ABCB5: variants seen among roughly 807,000 people sequenced by gnomAD.
The protein encoded by ABCB5 is ATP-binding cassette sub-family B member 5.
In ABCB5, 155 loss-of-function variants were observed where a neutral mutation model predicts 144.2. The ratio of observed to expected loss-of-function variants is 1.08; its 90% confidence interval spans 0.94 to 1.23. The LOEUF (loss-of-function observed/expected upper bound fraction) is 1.23. Ranked by LOEUF, ABCB5 falls within the 50% of genes most tolerant of loss-of-function variation. The probability of loss-of-function intolerance (pLI) is 0.00; values close to 1 mark genes in which losing one functional copy is unlikely to be tolerated. For synonymous variants in ABCB5, 610 were observed against 528.6 expected, an observed-to-expected ratio of 1.15 and a Z score of -2.11; for missense variants, 1,830 against 1,520.8, an observed-to-expected ratio of 1.20 and a Z score of -3.38.
rs535700196 is a variant in ABCB5, at chr7:20,728,229, G to A, written c.2727-86G>A. The stretch of plus-strand genomic sequence containing the variant: ...TTCCACCAAATTATAACATTTCAAA[G>A]TCCTCTCTATTTATTACTCTACATG... On this transcript the variant is annotated intron_variant, in intron 22 of 27. Transcript: ENST00000404938. The A allele has an allele frequency of 9.3e-6, 13 of 1,394,402 alleles. No individual in the cohort carries two copies. In the African/African-American group the frequency reaches 1.6e-4, roughly 17 times the overall value. 86.4% of individuals were successfully genotyped at this position (1,394,402 alleles called of 1,614,324 possible).
At chr7:20,636,514 A>G (rs1784158091) in intron 5 of ABCB5, among the ~76,000 whole-genome samples, 1 of 151,966 alleles carries the variant, frequency 6.6e-6, no homozygotes, top group Non-Finnish European at 1.5e-5. Flanking sequence ...ACCAGCTGCA[A>G]TGGCTCACTC....
chr7:20,715,673 G>A (rs564218733), intron 20 of ABCB5, among the ~76,000 whole-genome samples: 1 of 151,738 alleles, frequency 6.6e-6, no homozygotes, highest in Non-Finnish European at 1.5e-5. Context: ...GCCTCCCAAA[G>A]TGCTGGGATT....
chr7:20,691,168 CTTTTTTTTTTTTTTTTTTT>C (rs58696871), intron 16 of ABCB5, among the ~76,000 whole-genome samples: 1 of 46,080 alleles, frequency 2.2e-5, no homozygotes, highest in Non-Finnish European at 4.1e-5. Flanking sequence ...ACCCAGTGGA[CTTTTTTTTTTTTTTTTTTT>C]TTTTTTTTTT....
At chr7:20,647,277 T>C (rs1784433053) in intron 9 of ABCB5, 2 of 1,199,516 alleles carry the variant, frequency 1.7e-6, no homozygotes, top group Non-Finnish European at 2.1e-6. Context: ...CACAAGACTA[T>C]GAGATAATCA....
At chr7:20,681,258 C>T (rs1785819641) in intron 14 of ABCB5, among the ~76,000 whole-genome samples, 1 of 151,852 alleles carries the variant, frequency 6.6e-6, no homozygotes, top group African/African-American at 2.4e-5. Context: ...TTCCAAGTAG[C>T]TAGGATTCCA....
chr7:20,753,377 T>C lies in ABCB5; in HGVS notation c.3447T>C (p.Val1149=), dbSNP rs1782990505. 4 of 1,613,194 alleles carry C rather than the reference T, an allele frequency of 2.5e-6. No homozygotes were observed. In the East Asian group the frequency reaches 8.9e-5, roughly 36 times the overall value. Residue 1149 remains valine (V), a synonymous_variant, in exon 27 of 28, where the codon GTT becomes GTC. Transcript: ENST00000404938. ...EGLPEKYNTQ[V]GLKGAQLSGG... ...TGTGATAGAAATACAACACACAAGT[T>C]GGACTGAAAGGAGCACAGCTTTCTG...
At chr7:20,682,162 G>A (rs1211493849) in intron 15 of ABCB5, among the ~76,000 whole-genome samples, 9 of 151,980 alleles carry the variant, frequency 5.9e-5, no homozygotes, top group African/African-American at 1.9e-4. Flanking sequence ...CCCAGATTGC[G>A]CCACTGCACT....
chr7:20,728,284 C>T, intron 22 of ABCB5, 31 bp from the exon 23 acceptor site: 1 of 1,607,844 alleles, frequency 6.2e-7, no homozygotes, highest in Non-Finnish European at 8.5e-7. Flanking sequence ...TAATTCATGC[C>T]TCATTATTTG....
Position 20,626,605 on chromosome 7 carries a change from T to A in ABCB5, c.102T>A (p.Ile34=). 6.2e-7 allele frequency: 1 copy of A among 1,605,318 alleles called. No homozygotes were observed. The highest frequency in any genetic ancestry group is 8.5e-7 in the Non-Finnish European group (1 of 1,175,536). The change falls in exon 3 of 28, where the codon ATT becomes ATA. Residue 34 remains isoleucine, a synonymous_variant. Transcript: ENST00000404938. Reference sequence around the variant, plus strand: ...TGAGAAAGGAAGCAGTTGGATCTATTGAGATAGTAAGTGAAATCAGTTAGA... The same window carrying A: ...TGAGAAAGGAAGCAGTTGGATCTATAGAGATAGTAAGTGAAATCAGTTAGA... ...PKLRKEAVGS[I]EIFRFADGLD...
rs1214638257 is a variant in ABCB5, at chr7:20,711,854, T to C, written c.2421+7047T>C. On this transcript the variant is annotated intron_variant, in intron 20 of 27. Coordinates refer to ENST00000404938, the MANE Select transcript of ABCB5 (RefSeq NM_001163941.2). ...TTTCTTTCTTTCTTTCTTTTCTTTC[T>C]TTCTTTCCTTCCTCCCTCCCTCCCT... Among the ~76,000 whole-genome samples, 76 of 75,234 alleles carry C rather than the reference T, an allele frequency of 1.0e-3. 15 individuals are homozygous for C. The highest frequency in any genetic ancestry group is 3.9e-3 in the African/African-American group (68 of 17,640). The allele number at this position is 75,234 out of a possible 152,430, so 49.4% of individuals were successfully genotyped here.
chr7:20,685,675 C>A (rs780979795), intron 15 of ABCB5, 21 bp from the exon 16 acceptor site: 1 of 1,577,200 alleles, frequency 6.3e-7, no homozygotes, highest in South Asian at 1.2e-5. Context: ...ATAATGATAA[C>A]CTATATATTC....
At chr7:20,682,181 C>T (rs1260270545) in intron 15 of ABCB5, among the ~76,000 whole-genome samples, 2 of 151,914 alleles carry the variant, frequency 1.3e-5, no homozygotes, top group Non-Finnish European at 2.9e-5. Context: ...CTCCAGCCTG[C>T]CGACAGAGCG....
At chr7:20,648,736 C>T (rs1317419115) in intron 11 of ABCB5, among the ~76,000 whole-genome samples, 2 of 152,170 alleles carry the variant, frequency 1.3e-5, no homozygotes, top group Non-Finnish European at 2.9e-5. Context: ...GATAAAATTA[C>T]TAGTGTGATC....
chr7:20,669,520 T>C (rs535784083), intron 14 of ABCB5, among the ~76,000 whole-genome samples: 27 of 109,000 alleles, frequency 2.5e-4, no homozygotes, highest in Admixed American at 2.2e-3. Flanking sequence ...AAACAGATGC[T>C]TGAAGGCAGC....
chr7:20,751,185 A>C (rs1782916739), intron 26 of ABCB5, among the ~76,000 whole-genome samples: 2 of 152,102 alleles, frequency 1.3e-5, no homozygotes, highest in Non-Finnish European at 2.9e-5. Context: ...ATTTCGGGGC[A>C]CTCACCATCC....
At chr7:20,641,039 C>T (rs1157419032) in intron 5 of ABCB5, among the ~76,000 whole-genome samples, 2 of 152,158 alleles carry the variant, frequency 1.3e-5, no homozygotes, top group African/African-American at 2.4e-5. Flanking sequence ...TTACTGCTTT[C>T]AAATCCACAT....
intron 5 of ABCB5, among the ~76,000 whole-genome samples, chr7:20,633,338 C>T (rs1784080460): frequency 6.6e-6 from 1 of 152,152 alleles, no homozygotes; most frequent in South Asian, 2.1e-4. Flanking sequence ...TGTACTGCCT[C>T]ACTAAAGCTT....
chr7:20,617,266 G>A (rs985717128), intron 1 of ABCB5, among the ~76,000 whole-genome samples: 8 of 152,114 alleles, frequency 5.3e-5, no homozygotes, highest in African/African-American at 9.7e-5. Flanking sequence ...ATCATCTAAT[G>A]AGCTTGTTTA....
At chr7:20,684,400 G>T (rs998962173) in intron 15 of ABCB5, among the ~76,000 whole-genome samples, 2 of 152,142 alleles carry the variant, frequency 1.3e-5, no homozygotes, top group Non-Finnish European at 2.9e-5. Flanking sequence ...ATTATGAAGA[G>T]AGGTCAAAGT....
Sources: gnomAD v4.1 joint callset for allele counts (sites outside exome capture counted in the v4.1 genomes callset) on GRCh38, gnomAD v4.1.1 for gene constraint, MANE v1.5 for transcripts, NCBI Gene and HGNC (gene_info 2026-07-23, HGNC 2026-07-21) for gene names.